The following OR5BS1 variants were observed in gnomAD, a reference collection of about 807,000 sequenced individuals.
OR5BS1 encodes the protein olfactory receptor family 5 subfamily BS member 1.
At chr12:48,561,794 A>G in the OR5BS1 span, among the ~76,000 whole-genome samples, 4 of 152,136 alleles carry the variant, frequency 2.6e-5, no homozygotes, top group Non-Finnish European at 4.4e-5. Flanking sequence ...ATAAATAAAT[A>G]AATAAATAGC....
the OR5BS1 span, among the ~76,000 whole-genome samples, chr12:48,562,380 G>C: frequency 4.1e-4 from 62 of 152,310 alleles, 1 homozygote; most frequent in Admixed American, 3.7e-3. Flanking sequence ...TGTGTATAAA[G>C]AGAAAAATTC....
chr12:48,560,802 T>G, the OR5BS1 span: 9 of 394,836 alleles, frequency 2.3e-5, no homozygotes, highest in African/African-American at 4.1e-5. Flanking sequence ...GCTGTATGAA[T>G]TGTAAAGAAT....
chr12:48,560,822 G>T, the OR5BS1 span, among the ~76,000 whole-genome samples: 13 of 152,328 alleles, frequency 8.5e-5, no homozygotes, highest in East Asian at 2.5e-3. Flanking sequence ...TCTATTTTCA[G>T]CTGGGTACAG....
chr12:48,560,202 T>C, the OR5BS1 span: 1 of 401,378 alleles, frequency 2.5e-6, no homozygotes, highest in East Asian at 3.6e-5. Flanking sequence ...TCATATTTTC[T>C]GGAGCTACTG....
the OR5BS1 span, chr12:48,560,662 A>G: frequency 3.5e-5 from 14 of 401,064 alleles, no homozygotes; most frequent in Admixed American, 4.0e-4. Context: ...CAGGTATGTC[A>G]TACTATACCC....
chr12:48,562,748 T>G, the OR5BS1 span: 1 of 401,322 alleles, frequency 2.5e-6, no homozygotes, highest in Non-Finnish European at 4.4e-6. Context: ...ACAGTGAGAA[T>G]TGTCACCATT....
the OR5BS1 span, among the ~76,000 whole-genome samples, chr12:48,562,398 G>T: frequency 6.6e-6 from 1 of 152,192 alleles, no homozygotes; most frequent in African/African-American, 2.4e-5. Context: ...TTCCTCATAT[G>T]ATCATCACAG....
At chr12:48,559,890 C>T in the OR5BS1 span, 1 of 401,248 alleles carries the variant, frequency 2.5e-6, no homozygotes, top group African/African-American at 2.1e-5. Context: ...CCATGGAAGT[C>T]AGCAACATGA....
the OR5BS1 span, among the ~76,000 whole-genome samples, chr12:48,561,951 A>AT: frequency 0.99 from 150,286 of 151,650 alleles, 74,489 homozygotes; most frequent in Middle Eastern, 1. Context: ...TAAAATGACT[A>AT]TTTTTTTTAT....
At chr12:48,561,292 A>G in the OR5BS1 span, among the ~76,000 whole-genome samples, 1 of 152,192 alleles carries the variant, frequency 6.6e-6, no homozygotes, top group East Asian at 1.9e-4. Flanking sequence ...CTTTCTTTGA[A>G]ACATATGCCA....
At chr12:48,560,419 G>A in the OR5BS1 span, 10 of 401,292 alleles carry the variant, frequency 2.5e-5, no homozygotes, top group Middle Eastern at 3.1e-4. Flanking sequence ...TTTTGCCTGC[G>A]AGCTTCCTCC....
chr12:48,561,050 C>T, the OR5BS1 span, among the ~76,000 whole-genome samples: 4 of 146,698 alleles, frequency 2.7e-5, no homozygotes, highest in Non-Finnish European at 5.9e-5. Flanking sequence ...TTGCAGTGAG[C>T]GGAAATTGCA....
chr12:48,560,611 C>T, the OR5BS1 span: 1 of 401,600 alleles, frequency 2.5e-6, no homozygotes, highest in East Asian at 3.6e-5. Context: ...CTGCTCTTCC[C>T]ATTTCCTTGT....
At chr12:48,561,806 C>T in the OR5BS1 span, among the ~76,000 whole-genome samples, 1 of 152,110 alleles carries the variant, frequency 6.6e-6, no homozygotes, top group Non-Finnish European at 1.5e-5. Flanking sequence ...ATAAATAGCC[C>T]AGGAGAGCTT....
chr12:48,562,900 G>A, the OR5BS1 span: 2 of 401,788 alleles, frequency 5.0e-6, no homozygotes, highest in Non-Finnish European at 8.8e-6. Context: ...GAAGAGCCAG[G>A]AGGTAAAGGT....
the OR5BS1 span, chr12:48,559,898 T>C: frequency 2.5e-6 from 1 of 401,390 alleles, no homozygotes; most frequent in Non-Finnish European, 4.4e-6. Flanking sequence ...GTCAGCAACA[T>C]GACCACAGTC....
the OR5BS1 span, chr12:48,560,652 C>G: frequency 4.5e-5 from 18 of 401,214 alleles, no homozygotes; most frequent in East Asian, 6.1e-4. Flanking sequence ...CAGGAGTTCT[C>G]AGGTATGTCA....
chr12:48,562,233 T>C, the OR5BS1 span, among the ~76,000 whole-genome samples: 1 of 152,252 alleles, frequency 6.6e-6, no homozygotes, highest in Non-Finnish European at 1.5e-5. Flanking sequence ...CACTCAACTT[T>C]ATACAAATAA....
the OR5BS1 span, chr12:48,560,392 C>T: frequency 0.085 from 33,967 of 401,520 alleles, 1,527 homozygotes; most frequent in Middle Eastern, 0.17. Context: ...CTTCTGCGGC[C>T]CTAATGTCAT....
Sources: allele counts gnomAD v4.1 joint callset (sites outside exome capture counted in the v4.1 genomes callset), GRCh38; gene constraint gnomAD v4.1.1; transcripts MANE v1.5; gene names NCBI Gene and HGNC (gene_info 2026-07-23, HGNC 2026-07-21).